The following PDK1 variants were observed in gnomAD, a reference collection of about 807,000 sequenced individuals.
PDK1 encodes the protein pyruvate dehydrogenase kinase 1.
PDK1 carries 39 observed loss-of-function variants against 54.2 expected under a neutral mutation model. The ratio of observed to expected loss-of-function variants is 0.72; its 90% CI spans 0.56 to 0.94. PDK1 has a LOEUF of 0.94. Among genes scored for constraint, PDK1 ranks in the 40% least tolerant of loss-of-function variants. PDK1 has a pLI of 0.00. For synonymous variants in PDK1, 221 were observed against 207.1 expected, an observed-to-expected ratio of 1.07 and a Z score of -0.58; for missense variants, 552 against 566.0, an observed-to-expected ratio of 0.98 and a Z score of 0.25.
At position 172,575,248 on chromosome 2, in the gene PDK1, C is replaced by T. The variant is rs565911655; in HGVS notation, c.945+4424C>T. 3.3e-5 allele frequency among the ~76,000 whole-genome samples: 5 copies of T among 152,100 alleles called. No individual in the cohort carries two copies. In the South Asian group the frequency reaches 8.3e-4, roughly 25 times the overall value. ...TATGTTGTTTTGTTGAGGATTTTTACGTTGATGTTCATAAGGTATGTTTAT... is the reference window on the plus strand; with the variant it reads ...TATGTTGTTTTGTTGAGGATTTTTATGTTGATGTTCATAAGGTATGTTTAT... On this transcript the variant is annotated intron_variant, in intron 8 of 10. Coordinates refer to ENST00000282077, the MANE Select transcript of PDK1 (RefSeq NM_002610.5).
rs1331394939 is a variant in PDK1 at position 172,564,966 on chromosome 2, CT to C, written c.596-7del. On this transcript the variant is annotated splice_polypyrimidine_tract_variant and intron_variant, in intron 4 of 10. Coordinates refer to ENST00000282077, the MANE Select transcript of PDK1 (RefSeq NM_002610.5). ...TTAGCTTATTTTGTTGGTTTTTTTC[CT>C]TTTTGGATAGCTTTATTGTTTGGTG... 2 of 1,591,922 alleles carry C rather than the reference CT, an allele frequency of 1.3e-6. No homozygotes were observed. The highest frequency in any genetic ancestry group is 2.2e-5 in the South Asian group (2 of 89,666).
the PDK1 span, among the ~76,000 whole-genome samples, chr2:172,672,506 C>T: frequency 2.0e-5 from 3 of 152,204 alleles, no homozygotes; most frequent in Non-Finnish European, 4.4e-5. Context: ...TATCCAAGCA[C>T]ACCTCGTTTA....
At chr2:172,591,945 C>T (rs1207186328) in intron 9 of PDK1, among the ~76,000 whole-genome samples, 2 of 152,232 alleles carry the variant, frequency 1.3e-5, no homozygotes, top group Non-Finnish European at 2.9e-5. Flanking sequence ...AACTCTGCTT[C>T]TACAATAGTT....
chr2:172,580,066 C>T (rs1389519103), intron 8 of PDK1, among the ~76,000 whole-genome samples: 1 of 140,980 alleles, frequency 7.1e-6, no homozygotes, highest in Non-Finnish European at 1.5e-5. Context: ...TTTTATTGCT[C>T]TAAGGATATT....
At chr2:172,613,884 G>T in the PDK1 span, among the ~76,000 whole-genome samples, 1 of 152,044 alleles carries the variant, frequency 6.6e-6, no homozygotes, top group Non-Finnish European at 1.5e-5. Flanking sequence ...CAGGAGCCCC[G>T]CCCTCCTGGG....
chr2:172,690,063 A>G, the PDK1 span, among the ~76,000 whole-genome samples: 9 of 150,598 alleles, frequency 6.0e-5, no homozygotes, highest in African/African-American at 2.2e-4. Flanking sequence ...GTGAACAGGC[A>G]ACCTACAGAA....
At chr2:172,691,261 A>C in the PDK1 span, 1 of 150,432 alleles carries the variant, frequency 6.6e-6, no homozygotes, top group Non-Finnish European at 1.5e-5. Context: ...GTTACAATTG[A>C]TAAGCCTACA....
At chr2:172,697,907 T>C in the PDK1 span, among the ~76,000 whole-genome samples, 4 of 152,136 alleles carry the variant, frequency 2.6e-5, no homozygotes, top group African/African-American at 2.4e-5. Context: ...ATGAGGAGAA[T>C]TTAAAATGGT....
the PDK1 span, among the ~76,000 whole-genome samples, chr2:172,635,482 AT>A: frequency 1.3e-5 from 2 of 152,062 alleles, no homozygotes; most frequent in African/African-American, 4.8e-5. Flanking sequence ...CACCTGGCTA[AT>A]TTTTGTATTT....
Position 172,556,131 on chromosome 2 carries a change from C to A in PDK1, c.-20C>A. The stretch of plus-strand genomic sequence containing the variant: ...GGGAAACCTGGCGTACTGGCTGTGG[C>A]TTCTCTAGCGGGACTCGGCATGAGG... On this transcript the variant is annotated 5_prime_UTR_variant, in exon 1 of 11. Coordinates refer to ENST00000282077, the MANE Select transcript of PDK1 (RefSeq NM_002610.5). The A allele has an allele frequency of 1.4e-6, 2 of 1,391,250 alleles. No individual in the cohort carries two copies. The highest frequency in any genetic ancestry group is 1.6e-5 in the South Asian group (1 of 63,040). The allele number at this position is 1,391,250 out of a possible 1,614,324, so 86.2% of individuals were successfully genotyped here. A position where few individuals can be genotyped will look rare whatever the true frequency, so the allele number is the denominator to read the frequency against.
the PDK1 span, among the ~76,000 whole-genome samples, chr2:172,706,582 T>C: frequency 6.6e-6 from 1 of 152,120 alleles, no homozygotes; most frequent in South Asian, 2.1e-4. Flanking sequence ...TGTGCCACCA[T>C]GCCTGGCTAA....
chr2:172,599,019 T>G lies in PDK1; in HGVS notation c.*3050T>G, dbSNP rs1691019262. On this transcript the variant is annotated 3_prime_UTR_variant, in exon 11 of 11. Coordinates refer to ENST00000282077, the MANE Select transcript of PDK1 (RefSeq NM_002610.5). ...AAAGCAAGAGGTAGAGTTTGTATGT[T>G]TGACTTACCTTAGATTTTTATTTTC... 1 of 152,138 alleles carries G rather than the reference T, an allele frequency of 6.6e-6. No homozygotes were observed. Among genetic ancestry groups the G allele is most frequent in the Non-Finnish European group, 1.5e-5 (1 of 68,010 alleles). The allele number at this position is 152,138 out of a possible 1,614,324, so 9.4% of individuals were successfully genotyped here.
intron 10 of PDK1, 144 bp from the exon 11 acceptor site, chr2:172,595,685 G>T: frequency 1.7e-6 from 1 of 595,948 alleles, no homozygotes. Context: ...CCATTTAAAA[G>T]TATATTTAGG....
Position 172,586,323 on chromosome 2 carries a change from CT to C in PDK1, c.995del (p.Phe332SerfsTer42). 6.2e-7 allele frequency: 1 copy of C among 1,613,464 alleles called. No homozygotes were observed. Among genetic ancestry groups the C allele is most frequent in the Non-Finnish European group, 8.5e-7 (1 of 1,179,494 alleles). ...CGTTCCTTTGAGGAAAATTGACAGA[CT>C]TTTCAACTACATGTATTCAACTGCA... ...GGVPLRKIDR[L>X]FNYMYSTAPR... is the part of the protein sequence containing the mutation. On this transcript the variant is annotated frameshift_variant, in exon 9 of 11. Transcript: ENST00000282077. LOFTEE classifies it high-confidence loss of function.
chr2:172,592,004 T>C (rs561270104), intron 9 of PDK1, among the ~76,000 whole-genome samples: 1 of 152,346 alleles, frequency 6.6e-6, no homozygotes, highest in Non-Finnish European at 1.5e-5. Context: ...CTTAATCGCC[T>C]GGGAGGAAAC....
chr2:172,564,152 A>G (rs1558928822), intron 3 of PDK1: 2 of 457,884 alleles, frequency 4.4e-6, no homozygotes, highest in South Asian at 1.7e-5. Context: ...GTCTCCTCCT[A>G]TGCAGAATGT....
At chr2:172,564,423 C>A in intron 3 of PDK1, 80 bp from the exon 4 acceptor site, 1 of 1,116,282 alleles carries the variant, frequency 9.0e-7, no homozygotes, top group Non-Finnish European at 1.3e-6. Flanking sequence ...TTTTGTCTAG[C>A]ATAGTTGGTT....
chr2:172,575,729 G>A (rs1291522783), intron 8 of PDK1, among the ~76,000 whole-genome samples: 1 of 152,086 alleles, frequency 6.6e-6, no homozygotes, highest in African/African-American at 2.4e-5. Flanking sequence ...AGCTGAGGCA[G>A]GAGAATCACT....
At chr2:172,570,423 A>G (rs1348882428) in intron 7 of PDK1, among the ~76,000 whole-genome samples, 1 of 152,232 alleles carries the variant, frequency 6.6e-6, no homozygotes, top group Non-Finnish European at 1.5e-5. Context: ...CCCATCATTT[A>G]CTAAAATTAT....
Sources: allele counts gnomAD v4.1 joint callset (sites outside exome capture counted in the v4.1 genomes callset), GRCh38; gene constraint gnomAD v4.1.1; transcripts MANE v1.5; gene names NCBI Gene and HGNC (gene_info 2026-07-23, HGNC 2026-07-21).